Variants in ANKRD31 observed in about 807,000 individuals in gnomAD.
ANKRD31 encodes ankyrin repeat domain 31.
A neutral mutation model predicts 186.0 loss-of-function variants in ANKRD31; 147 were observed. That is an observed-to-expected ratio of 0.79 (90% CI 0.69 to 0.91). The LOEUF (loss-of-function observed/expected upper bound fraction) is 0.91. Ranked by LOEUF, ANKRD31 falls within the 40% of genes least tolerant of loss-of-function variation. The pLI, the probability that ANKRD31 is intolerant of heterozygous loss-of-function variation, is 0.00. For synonymous variants in ANKRD31, 673 were observed against 736.4 expected (o/e 0.91, Z 1.39); for missense variants, 1,986 against 2,148.8 (o/e 0.92, Z 1.50).
At chr5:75,215,356 C>T (rs549769901) in intron 3 of ANKRD31, among the ~76,000 whole-genome samples, 114 of 152,268 alleles carry the variant, frequency 7.5e-4, no homozygotes, top group African/African-American at 2.7e-3. Context: ...GACCAACTAT[C>T]TGAACATTCT....
At chr5:75,096,800 C>T (rs144146050) in intron 22 of ANKRD31, among the ~76,000 whole-genome samples, 3,376 of 151,288 alleles carry the variant, frequency 0.022, 130 homozygotes, top group African/African-American at 0.078. Flanking sequence ...TCTCCTAATG[C>T]TATCCCTTCC....
chr5:75,098,610 G>A (rs1290363205), intron 22 of ANKRD31, among the ~76,000 whole-genome samples: 3 of 152,094 alleles, frequency 2.0e-5, no homozygotes, highest in Non-Finnish European at 2.9e-5. Flanking sequence ...ATTTCGTTGA[G>A]CAGTGGTTTG....
intron 3 of ANKRD31, among the ~76,000 whole-genome samples, chr5:75,221,953 T>C (rs1240163638): frequency 6.6e-6 from 1 of 152,192 alleles, no homozygotes; most frequent in African/African-American, 2.4e-5. Flanking sequence ...AGTAGTTAAG[T>C]TTTGGGAGAG....
intron 25 of ANKRD31, among the ~76,000 whole-genome samples, chr5:75,072,600 G>C (rs977685646): frequency 1.3e-5 from 2 of 152,116 alleles, no homozygotes; most frequent in African/African-American, 4.8e-5. Context: ...GGGGTTTTCT[G>C]TTGCATGCAG....
intron 20 of ANKRD31, 75 bp downstream of exon 20, chr5:75,112,438 G>T: frequency 1.0e-6 from 1 of 1,000,724 alleles, no homozygotes; most frequent in Non-Finnish European, 1.4e-6. Context: ...TGTGAGCTTT[G>T]AAATAAATAT....
chr5:75,203,353 C>T (rs949594328), intron 5 of ANKRD31, among the ~76,000 whole-genome samples: 1 of 152,056 alleles, frequency 6.6e-6, no homozygotes, highest in African/African-American at 2.4e-5. Flanking sequence ...GTATTGATGA[C>T]ACCTGTTATA....
chr5:75,162,428 T>A (rs1752631158), intron 11 of ANKRD31, among the ~76,000 whole-genome samples: 1 of 152,226 alleles, frequency 6.6e-6, no homozygotes, highest in African/African-American at 2.4e-5. Flanking sequence ...CCCCATTGTA[T>A]CTACAAGGTA....
At position 75,091,428 on chromosome 5, in the gene ANKRD31, A is replaced by C. The variant is rs1427156967; in HGVS notation, c.5332-27T>G. 2.6e-6 allele frequency: 4 copies of C among 1,519,176 alleles called. No homozygotes were observed. In the African/African-American group the frequency reaches 4.2e-5, roughly 16 times the overall value. 94.1% of individuals were successfully genotyped at this position (1,519,176 alleles called of 1,614,324 possible). ...TGAAGTGAAAAATAAAACAGAAATT[A>C]AGGTCAAAAATAGCTGAAATATGTG... On this transcript the variant is annotated intron_variant, in intron 22 of 25. Coordinates refer to ENST00000506364, the MANE Select transcript of ANKRD31 (RefSeq NM_001372053.1).
intron 17 of ANKRD31, among the ~76,000 whole-genome samples, chr5:75,130,452 AAGAGAGCTGATTGGTCCATTTTAC>A (rs1156280622): frequency 1.8e-3 from 272 of 152,250 alleles, no homozygotes; most frequent in African/African-American, 5.6e-3. Context: ...GTCCACTTTA[AAGAGAGCTGATTGGTCCATTTTAC>A]AGAGAGCTGA....
At chr5:75,208,932 A>G (rs972314808) in intron 4 of ANKRD31, among the ~76,000 whole-genome samples, 11 of 152,234 alleles carry the variant, frequency 7.2e-5, no homozygotes, top group African/African-American at 2.7e-4. Flanking sequence ...TGTACATTAA[A>G]TAAACTTTAT....
chr5:75,174,594 G>T (rs983184599), intron 10 of ANKRD31, among the ~76,000 whole-genome samples: 6 of 152,314 alleles, frequency 3.9e-5, no homozygotes, highest in African/African-American at 1.4e-4. Context: ...CTTCTCAAAA[G>T]AAGATATTTA....
At chr5:75,219,390 G>T (rs1757152557) in intron 3 of ANKRD31, among the ~76,000 whole-genome samples, 1 of 151,984 alleles carries the variant, frequency 6.6e-6, no homozygotes, top group African/African-American at 2.4e-5. Flanking sequence ...ATTCACAATT[G>T]CCAAAACAAC....
At chr5:75,090,741 G>GT (rs1745861276) in intron 23 of ANKRD31, among the ~76,000 whole-genome samples, 2 of 152,188 alleles carry the variant, frequency 1.3e-5, no homozygotes, top group Non-Finnish European at 2.9e-5. Flanking sequence ...CTAAATGAAA[G>GT]TAATTCATTT....
intron 17 of ANKRD31, among the ~76,000 whole-genome samples, chr5:75,130,917 G>T (rs570154818): frequency 1.3e-5 from 2 of 152,352 alleles, no homozygotes; most frequent in East Asian, 3.9e-4. Flanking sequence ...AGCCCAGAGG[G>T]AGCTCGTCCC....
At position 75,140,199 on chromosome 5, in the gene ANKRD31, G is replaced by A. The variant is rs766026580; in HGVS notation, c.3596-1216C>T. On this transcript the variant is annotated intron_variant, in intron 15 of 25. Transcript: ENST00000506364. ...AGCCTGGGCAACAGAGATACACTCC[G>A]TCTCAAAAAAAAGAAAAGAAAAGAA... 1.4e-4 allele frequency among the ~76,000 whole-genome samples: 21 copies of A among 146,016 alleles called. No individual in the cohort carries two copies. In the East Asian group the frequency reaches 1.6e-3, roughly 11 times the overall value.
intron 25 of ANKRD31, among the ~76,000 whole-genome samples, chr5:75,077,425 A>G (rs924991116): frequency 6.6e-6 from 1 of 152,200 alleles, no homozygotes; most frequent in South Asian, 2.1e-4. Flanking sequence ...CCACCTGAAA[A>G]ACTACTAAAA....
chr5:75,206,965 G>A (rs1035596537), intron 4 of ANKRD31, among the ~76,000 whole-genome samples: 5 of 152,142 alleles, frequency 3.3e-5, no homozygotes, highest in East Asian at 1.9e-4. Flanking sequence ...AGGGAATACC[G>A]AAGGGAGGAA....
chr5:75,113,346 C>T (rs1747932712), intron 19 of ANKRD31, among the ~76,000 whole-genome samples: 1 of 152,212 alleles, frequency 6.6e-6, no homozygotes, highest in African/African-American at 2.4e-5. Context: ...AAACCCATCT[C>T]ATACAGGAAA....
chr5:75,108,349 G>A (rs1580342592), intron 20 of ANKRD31, among the ~76,000 whole-genome samples: 2 of 151,762 alleles, frequency 1.3e-5, no homozygotes, highest in African/African-American at 2.4e-5. Flanking sequence ...AAATTTTCCC[G>A]ACTTTCTTCC....
Sources: gnomAD v4.1 joint callset for allele counts (sites outside exome capture counted in the v4.1 genomes callset) on GRCh38, gnomAD v4.1.1 for gene constraint, MANE v1.5 for transcripts, NCBI Gene and HGNC (gene_info 2026-07-23, HGNC 2026-07-21) for gene names.